GALNTL6: variants seen among roughly 807,000 people sequenced by gnomAD.
The protein encoded by GALNTL6 is polypeptide N-acetylgalactosaminyltransferase like 6.
GALNTL6 carries 46 observed loss-of-function variants against 73.7 expected under a neutral mutation model. The ratio of observed to expected loss-of-function variants is 0.62; its 90% CI spans 0.49 to 0.80. GALNTL6 has a LOEUF of 0.80. Among genes scored for constraint, GALNTL6 ranks in the 30% least tolerant of loss-of-function variants. The pLI, the probability that GALNTL6 is intolerant of heterozygous loss-of-function variation, is 0.00. For missense variants in GALNTL6, 604 were observed against 755.0 expected, an observed-to-expected ratio of 0.80 and a Z score of 2.34; for synonymous variants, 259 against 263.7, an observed-to-expected ratio of 0.98 and a Z score of 0.17.
chr4:172,682,862 A>G (rs1292802642), intron 5 of GALNTL6, among the ~76,000 whole-genome samples: 1 of 150,422 alleles, frequency 6.6e-6, no homozygotes, highest in East Asian at 1.9e-4. Flanking sequence ...AAAAAATTAG[A>G]AAAAAAAATC....
At chr4:172,763,958 A>ATTTTT (rs35078752) in intron 5 of GALNTL6, among the ~76,000 whole-genome samples, 99 of 136,908 alleles carry the variant, frequency 7.2e-4, no homozygotes, top group African/African-American at 1.4e-3. Context: ...AACAAGGTGT[A>ATTTTT]TTTTTTTTTT....
chr4:172,875,607 C>T (rs1215310318), intron 7 of GALNTL6, among the ~76,000 whole-genome samples: 1 of 151,978 alleles, frequency 6.6e-6, no homozygotes, highest in Non-Finnish European at 1.5e-5. Flanking sequence ...TACCATCCAC[C>T]TACTGAACAG....
chr4:171,922,972 T>C (rs190292620), intron 2 of GALNTL6, among the ~76,000 whole-genome samples: 1 of 152,192 alleles, frequency 6.6e-6, no homozygotes, highest in African/African-American at 2.4e-5. Flanking sequence ...AACCCCAAAT[T>C]ACTTCATTGC....
intron 2 of GALNTL6, among the ~76,000 whole-genome samples, chr4:171,934,593 T>A (rs576587021): frequency 1.3e-5 from 2 of 152,178 alleles, no homozygotes; most frequent in African/African-American, 4.8e-5. Context: ...TTTTTGTATT[T>A]TTTGTAGAGA....
chr4:171,945,567 T>C (rs231586), intron 2 of GALNTL6, among the ~76,000 whole-genome samples: 63,813 of 152,052 alleles, frequency 0.42, 15,626 homozygotes, highest in Admixed American at 0.56. Context: ...GTAGTACTGA[T>C]GTTAGTATTT....
intron 2 of GALNTL6, among the ~76,000 whole-genome samples, chr4:172,046,550 T>C (rs1239362514): frequency 6.6e-6 from 1 of 152,134 alleles, no homozygotes; most frequent in African/African-American, 2.4e-5. Flanking sequence ...TTGTCTTTTT[T>C]ATAAAACCCA....
At chr4:173,007,566 G>T (rs889364270) in intron 10 of GALNTL6, among the ~76,000 whole-genome samples, 11 of 152,172 alleles carry the variant, frequency 7.2e-5, no homozygotes, top group African/African-American at 2.7e-4. Context: ...CAACACTTTG[G>T]GAGGCCGAGG....
chr4:172,089,616 C>T (rs1230238661), intron 2 of GALNTL6, among the ~76,000 whole-genome samples: 1 of 152,004 alleles, frequency 6.6e-6, no homozygotes, highest in Non-Finnish European at 1.5e-5. Flanking sequence ...AAAAAAAACT[C>T]AAAAGCAAAT....
chr4:172,318,426 G>T (rs1313467443), intron 4 of GALNTL6, among the ~76,000 whole-genome samples: 1 of 152,088 alleles, frequency 6.6e-6, no homozygotes, highest in African/African-American at 2.4e-5. Flanking sequence ...AATGAGGCTG[G>T]GTGCCATGGC....
At chr4:171,826,285 A>G (rs751084049) in intron 2 of GALNTL6, among the ~76,000 whole-genome samples, 2 of 152,188 alleles carry the variant, frequency 1.3e-5, no homozygotes, top group Non-Finnish European at 2.9e-5. Flanking sequence ...TCATAAAACC[A>G]GAAAGCACTG....
chr4:172,725,141 C>A (rs1208822371), intron 5 of GALNTL6, among the ~76,000 whole-genome samples: 1 of 152,184 alleles, frequency 6.6e-6, no homozygotes. Flanking sequence ...TAATTCTCAT[C>A]TCCTACCTTA....
chr4:172,819,699 T>C (rs1007301260), intron 7 of GALNTL6, among the ~76,000 whole-genome samples: 1 of 152,214 alleles, frequency 6.6e-6, no homozygotes, highest in African/African-American at 2.4e-5. Context: ...TTCAAGCCTA[T>C]GAAATATGTA....
intron 5 of GALNTL6, among the ~76,000 whole-genome samples, chr4:172,402,500 A>G (rs1328489041): frequency 6.6e-6 from 1 of 152,144 alleles, no homozygotes; most frequent in African/African-American, 2.4e-5. Flanking sequence ...GGAACGGTGA[A>G]GGATACAATT....
In GALNTL6 at chr4:171,814,690, TG is replaced by T; in HGVS notation, c.111del (p.Lys38SerfsTer27). Reference protein sequence around the residue: ...LWSLYKDKHLVKSAEPGEQQT... With the variant: ...LWSLYKDKHLXKSAEPGEQQT... ...TCTCTGTACAAGGATAAGCACCTGGTGAAGTCAGCGGAGCCCGGGGAGCAGC... is the reference window on the plus strand; with the variant it reads ...TCTCTGTACAAGGATAAGCACCTGGTAAGTCAGCGGAGCCCGGGGAGCAGC... On this transcript the variant is annotated frameshift_variant, in exon 2 of 13. Transcript: ENST00000506823. LOFTEE classifies it high-confidence loss of function. 6.2e-7 allele frequency: 1 copy of T among 1,614,114 alleles called. No homozygotes were observed. The highest frequency in any genetic ancestry group is 8.5e-7 in the Non-Finnish European group (1 of 1,180,040).
chr4:172,618,419 C>A (rs138779766), intron 5 of GALNTL6, among the ~76,000 whole-genome samples: 10 of 152,280 alleles, frequency 6.6e-5, no homozygotes, highest in Admixed American at 3.9e-4. Flanking sequence ...ATACTCCTCT[C>A]ACTAATATTC....
At chr4:171,878,308 C>T (rs186144570) in intron 2 of GALNTL6, among the ~76,000 whole-genome samples, 9 of 152,310 alleles carry the variant, frequency 5.9e-5, no homozygotes, top group Admixed American at 3.9e-4. Flanking sequence ...ACTTTATAGA[C>T]TTGTGTAATG....
chr4:173,022,208 GAAGGAAGGAAGGAAGGAAGT>G (rs1753045184), intron 12 of GALNTL6, among the ~76,000 whole-genome samples: 1 of 129,036 alleles, frequency 7.7e-6, no homozygotes, highest in African/African-American at 3.8e-5. Context: ...AGGAAGGAAG[GAAGGAAGGAAGGAAGGAAGT>G]TTTGAAAGTT....
At chr4:172,101,348 T>G (rs1732512146) in intron 2 of GALNTL6, among the ~76,000 whole-genome samples, 1 of 152,204 alleles carries the variant, frequency 6.6e-6, no homozygotes, top group South Asian at 2.1e-4. Flanking sequence ...CTGTTTTGAA[T>G]AGCAAACACT....
In GALNTL6 at chr4:172,068,332, C is replaced by T. The variant is rs1731419782; in HGVS notation, c.139-161324C>T. 3.6e-5 allele frequency among the ~76,000 whole-genome samples: 4 copies of T among 110,096 alleles called. 2 individuals carry two copies. The South Asian group carries it at 1.1e-3, about 29-fold the overall frequency. 72.2% of individuals were successfully genotyped at this position (110,096 alleles called of 152,430 possible). ...CCCTGCTTTATGTGTTCCAAACATA[C>T]TCTATCAGTCTCAGAATGAAATCTA... On this transcript the variant is annotated intron_variant, in intron 2 of 12. Coordinates refer to ENST00000506823, the MANE Select transcript of GALNTL6 (RefSeq NM_001034845.3).
Sources: gnomAD v4.1 joint callset for allele counts (sites outside exome capture counted in the v4.1 genomes callset) on GRCh38, gnomAD v4.1.1 for gene constraint, MANE v1.5 for transcripts, NCBI Gene and HGNC (gene_info 2026-07-23, HGNC 2026-07-21) for gene names.